ZC3H15: variants seen among roughly 807,000 people sequenced by gnomAD.
ZC3H15 encodes zinc finger CCCH-type containing 15.
In ZC3H15, 15 loss-of-function variants were observed where a neutral mutation model predicts 51.2. The ratio of observed to expected loss-of-function variants is 0.29; its 90% CI spans 0.20 to 0.45. The LOEUF is 0.45. ZC3H15 is among the 20% of genes least tolerant of loss of function. The pLI is 1.00. For synonymous variants in ZC3H15, 144 were observed against 162.8 expected, an observed-to-expected ratio of 0.88 and a Z score of 0.88; for missense variants, 381 against 494.7, an observed-to-expected ratio of 0.77 and a Z score of 2.18.
At chr2:186,499,484 A>T in intron 2 of ZC3H15, 1 of 404,770 alleles carries the variant, frequency 2.5e-6, no homozygotes, top group Non-Finnish European at 4.8e-6. Context: ...TTTCTCAGGT[A>T]TATGGGCATT....
intron 1 of ZC3H15, chr2:186,489,222 T>C (rs1446629257): frequency 6.6e-6 from 1 of 152,240 alleles, no homozygotes; most frequent in African/African-American, 2.4e-5. Flanking sequence ...ATGTGCAACA[T>C]TGATATTTGC....
chr2:186,504,384 T>A (rs1195760748), intron 6 of ZC3H15, among the ~76,000 whole-genome samples, 170 bp downstream of exon 6: 1 of 152,196 alleles, frequency 6.6e-6, no homozygotes, highest in Non-Finnish European at 1.5e-5. Context: ...AATGTTAACC[T>A]AGCCATAAAC....
chr2:186,499,514 T>A (rs766692248), intron 2 of ZC3H15: 4 of 446,296 alleles, frequency 9.0e-6, no homozygotes, highest in Admixed American at 4.9e-5. Context: ...CAGAGCACTA[T>A]GTACTATGTT....
intron 1 of ZC3H15, among the ~76,000 whole-genome samples, chr2:186,493,858 C>G (rs1459971719): frequency 1.3e-5 from 2 of 148,682 alleles, no homozygotes; most frequent in Non-Finnish European, 3.0e-5. Flanking sequence ...GTTATTGGAT[C>G]TAGGGCCTAC....
intron 1 of ZC3H15, among the ~76,000 whole-genome samples, 198 bp from the exon 2 acceptor site, chr2:186,495,035 T>C (rs1685259927): frequency 6.6e-6 from 1 of 152,024 alleles, no homozygotes; most frequent in Admixed American, 6.5e-5. Context: ...GATGATAATG[T>C]TGAGTACATA....
At chr2:186,503,946 G>T (rs1685427125) in intron 5 of ZC3H15, 86 bp from the exon 6 acceptor site, 7 of 1,093,410 alleles carry the variant, frequency 6.4e-6, no homozygotes, top group South Asian at 2.1e-5. Flanking sequence ...ACGTACTTGT[G>T]TGTATACTTG....
In ZC3H15 at chr2:186,486,296, G is replaced by A; in HGVS notation, c.-87G>A. ...CGTGCGGTGCGGCGAGTGAGGCCCC[G>A]GTCTTCCTCCTCGTCCTGCCGCAGG... On this transcript the variant is annotated 5_prime_UTR_variant, in exon 1 of 10. Coordinates refer to ENST00000337859, the MANE Select transcript of ZC3H15 (RefSeq NM_018471.3). 1 of 1,335,828 alleles carries A rather than the reference G, an allele frequency of 7.5e-7. No individual in the cohort carries two copies. Among genetic ancestry groups the A allele is most frequent in the Non-Finnish European group, 9.8e-7 (1 of 1,020,010 alleles). 82.7% of individuals were successfully genotyped at this position (1,335,828 alleles called of 1,614,324 possible).
intron 3 of ZC3H15, 65 bp from the exon 4 acceptor site, chr2:186,501,208 A>T: frequency 6.9e-7 from 1 of 1,447,288 alleles, no homozygotes; most frequent in Non-Finnish European, 9.2e-7. Context: ...ATCATATTTC[A>T]GGTAGAATCT....
intron 1 of ZC3H15, among the ~76,000 whole-genome samples, chr2:186,493,530 C>T (rs895402472): frequency 2.0e-5 from 3 of 152,124 alleles, no homozygotes; most frequent in African/African-American, 7.2e-5. Flanking sequence ...GCTTGTCACA[C>T]ATTCACCTTA....
Position 186,500,638 on chromosome 2 carries a change from T to C in ZC3H15, c.289+345T>C, listed in dbSNP as rs1441904154. The C allele has an allele frequency of 8.3e-6, 4 of 484,382 alleles. No individual in the cohort carries two copies. In the Admixed American group the frequency reaches 9.2e-5, roughly 11 times the overall value. The allele number at this position is 484,382 out of a possible 1,614,324, so 30.0% of individuals were successfully genotyped here. On this transcript the variant is annotated intron_variant, in intron 3 of 9. Coordinates refer to ENST00000337859, the MANE Select transcript of ZC3H15 (RefSeq NM_018471.3). ...CCAAGTTTTTGGCACTGTTCTGTCA[T>C]GTATGTTCATTTCTTTTTTGCCTTT...
chr2:186,498,219 C>A (rs2105589598), intron 2 of ZC3H15, among the ~76,000 whole-genome samples: 1 of 152,300 alleles, frequency 6.6e-6, no homozygotes, highest in Admixed American at 6.5e-5. Flanking sequence ...TTACCTCCCC[C>A]TACACCCAAA....
rs145698165 is a variant in ZC3H15 at position 186,509,203 on chromosome 2, T to C, written c.*470T>C. On this transcript the variant is annotated 3_prime_UTR_variant, in exon 10 of 10. Transcript: ENST00000337859. ...AAGGAAACTGCGTATGCAGATTCAG[T>C]ATTGTGTATCTTTGGACAATTAGAT... The C allele has an allele frequency of 1.1e-3, 331 of 291,644 alleles. No individual in the cohort carries two copies. Among genetic ancestry groups the C allele is most frequent in the African/African-American group, 7.0e-3 (316 of 44,878 alleles). 18.1% of individuals were successfully genotyped at this position (291,644 alleles called of 1,614,324 possible).
intron 5 of ZC3H15, among the ~76,000 whole-genome samples, 194 bp downstream of exon 5, chr2:186,502,781 G>C (rs144650568): frequency 8.9e-4 from 135 of 152,170 alleles, no homozygotes; most frequent in African/African-American, 3.0e-3. Context: ...TTCAGAAATA[G>C]CTGAACAAGA....
At chr2:186,508,333 G>T (rs1225207847) in intron 9 of ZC3H15, among the ~76,000 whole-genome samples, 3 of 152,204 alleles carry the variant, frequency 2.0e-5, no homozygotes, top group Non-Finnish European at 4.4e-5. Flanking sequence ...AATGGCTACA[G>T]TGAAAAACAG....
chr2:186,502,559 C>T lies in ZC3H15; in HGVS notation c.506C>T (p.Ala169Val), dbSNP rs760907601. The change falls in exon 5 of 10, where the codon GCG becomes GTG. Residue 169 changes from alanine (A) to valine (V), a missense_variant. Ala to Val is a moderately conservative substitution (Grantham distance 64, BLOSUM62 0). Transcript: ENST00000337859. The part of the protein sequence containing the change: ...EEVVNKKHGE[A>V]EKKKPKTQIV... ...GTAGTGAACAAGAAGCACGGTGAGG[C>T]GGAAAAGAAAAAACCAAAAACTCAA... The T allele has an allele frequency of 6.8e-5, 109 of 1,611,752 alleles. No homozygotes were observed. Among genetic ancestry groups the T allele is most frequent in the Non-Finnish European group, 9.0e-5 (106 of 1,178,998 alleles).
At chr2:186,495,173 T>C (rs976278302) in intron 1 of ZC3H15, 60 bp from the exon 2 acceptor site, 4 of 933,954 alleles carry the variant, frequency 4.3e-6, no homozygotes, top group African/African-American at 3.5e-5. Context: ...TTAGATATCA[T>C]TGGAGGATAT....
At chr2:186,504,344 GC>G (rs1412366358) in intron 6 of ZC3H15, 130 bp downstream of exon 6, 5 of 772,522 alleles carry the variant, frequency 6.5e-6, no homozygotes, top group Non-Finnish European at 9.3e-6. Context: ...TCCCAAAGTT[GC>G]CCTACTTTAA....
chr2:186,508,537 A>G lies in ZC3H15; in HGVS notation c.1091-6A>G. On this transcript the variant is annotated splice_region_variant and splice_polypyrimidine_tract_variant and intron_variant, in intron 9 of 9. Transcript: ENST00000337859. ...ACGCCTTACTGATTCCAGTTTTTAT[A>G]TTTAGAAAACAAATTAAGTGAAGCT... is the stretch of plus-strand genomic sequence containing the variant. 1.2e-6 allele frequency: 2 copies of G among 1,613,024 alleles called. No homozygotes were observed. Among genetic ancestry groups the G allele is most frequent in the East Asian group, 2.2e-5 (1 of 44,838 alleles).
At chr2:186,501,464 G>A (rs1186384424) in intron 4 of ZC3H15, 39 bp downstream of exon 4, 1 of 1,552,422 alleles carries the variant, frequency 6.4e-7, no homozygotes, top group Non-Finnish European at 8.8e-7. Context: ...AATAAATGTT[G>A]AATACTTTCG....
Sources: gnomAD v4.1 joint callset for allele counts (sites outside exome capture counted in the v4.1 genomes callset) on GRCh38, gnomAD v4.1.1 for gene constraint, MANE v1.5 for transcripts, NCBI Gene and HGNC (gene_info 2026-07-23, HGNC 2026-07-21) for gene names.